Variants in FBN2 observed in about 807,000 individuals in gnomAD.
FBN2 encodes the protein fibrillin 2.
In FBN2, 105 loss-of-function variants were observed where a neutral mutation model predicts 355.6. That is an observed-to-expected ratio of 0.30 (90% CI 0.25 to 0.35). The LOEUF (loss-of-function observed/expected upper bound fraction) is 0.35, where lower values mean the gene tolerates loss of function less well. FBN2 is among the 10% of genes least tolerant of loss of function. The pLI, the probability that FBN2 is intolerant of heterozygous loss-of-function variation, is 1.00. For synonymous variants in FBN2, 1,350 were observed against 1,301.2 expected (o/e 1.04, Z -0.81); for missense variants, 3,280 against 3,758.7 (o/e 0.87, Z 3.33).
intron 3 of FBN2, among the ~76,000 whole-genome samples, chr5:128,528,563 GAGA>G: frequency 6.6e-6 from 1 of 152,272 alleles, no homozygotes; most frequent in African/African-American, 2.4e-5. Context: ...ACTTCAGAGA[GAGA>G]AGAACCAGCA....
chr5:128,361,287 G>A (rs1225144018), intron 19 of FBN2, among the ~76,000 whole-genome samples: 1 of 152,072 alleles, frequency 6.6e-6, no homozygotes, highest in African/African-American at 2.4e-5. Flanking sequence ...ATATTTTGTG[G>A]GCTGACTTCT....
intron 3 of FBN2, 39 bp downstream of exon 3, chr5:128,530,556 A>C (rs987833567): frequency 7.2e-7 from 1 of 1,382,464 alleles, no homozygotes; most frequent in Non-Finnish European, 1.0e-6. Context: ...CCAAAGCTTA[A>C]GAAAAATGCA....
intron 20 of FBN2, among the ~76,000 whole-genome samples, chr5:128,355,838 T>C (rs931422531): frequency 2.0e-5 from 3 of 152,144 alleles, no homozygotes; most frequent in African/African-American, 4.8e-5. Flanking sequence ...GAGAAAAATA[T>C]GGTGGTGGTT....
At chr5:128,305,261 C>T (rs1749836783) in intron 44 of FBN2, among the ~76,000 whole-genome samples, 179 bp from the exon 45 acceptor site, 1 of 151,886 alleles carries the variant, frequency 6.6e-6, no homozygotes, top group Non-Finnish European at 1.5e-5. Context: ...TTTTTTTAAT[C>T]ATGCAAATTT....
chr5:128,361,637 A>G, intron 19 of FBN2, 86 bp downstream of exon 19: 2 of 1,463,328 alleles, frequency 1.4e-6, no homozygotes. Flanking sequence ...TATTCTTTTC[A>G]CTACATTGCT....
intron 9 of FBN2, among the ~76,000 whole-genome samples, chr5:128,393,631 G>A (rs1429241265): frequency 6.6e-6 from 1 of 152,126 alleles, no homozygotes; most frequent in Admixed American, 6.5e-5. Flanking sequence ...TTTATTTTAT[G>A]CACCTAAGTG....
intron 62 of FBN2, among the ~76,000 whole-genome samples, chr5:128,266,421 G>A (rs879348526): frequency 2.0e-5 from 3 of 152,070 alleles, no homozygotes; most frequent in Non-Finnish European, 2.9e-5. Context: ...AAGGCAAACC[G>A]GCTTCTGGCT....
Position 128,519,987 on chromosome 5 carries a change from G to A in FBN2, c.533-619C>T, listed in dbSNP as rs1004862239. Among the ~76,000 whole-genome samples, 7 of 152,208 alleles carry A rather than the reference G, an allele frequency of 4.6e-5. No homozygotes were observed. In the Middle Eastern group the frequency reaches 0.01, roughly 222 times the overall value. ...TGCCAAAAGAAGTAACCAATGTGTA[G>A]AGACTATTTGCAGGTCATAGAAGAA... On this transcript the variant is annotated intron_variant, in intron 4 of 64. Coordinates refer to ENST00000262464, the MANE Select transcript of FBN2 (RefSeq NM_001999.4).
chr5:128,299,237 G>T (rs1431503632), intron 48 of FBN2, among the ~76,000 whole-genome samples: 1 of 151,760 alleles, frequency 6.6e-6, no homozygotes, highest in Non-Finnish European at 1.5e-5. Context: ...TCTCTTCAAA[G>T]CTGTCAGACA....
chr5:128,436,143 T>G (rs1362178525), intron 7 of FBN2, among the ~76,000 whole-genome samples: 1 of 152,188 alleles, frequency 6.6e-6, no homozygotes, highest in Non-Finnish European at 1.5e-5. Flanking sequence ...GGGAAGAAAC[T>G]CAAATAGTTT....
At chr5:128,428,323 A>G (rs1753534560) in intron 7 of FBN2, among the ~76,000 whole-genome samples, 1 of 152,152 alleles carries the variant, frequency 6.6e-6, no homozygotes, top group Non-Finnish European at 1.5e-5. Flanking sequence ...TGAGAATTCA[A>G]ACTAAAGTCC....
At chr5:128,399,759 T>C (rs1031033469) in intron 8 of FBN2, among the ~76,000 whole-genome samples, 1 of 152,060 alleles carries the variant, frequency 6.6e-6, no homozygotes, top group Non-Finnish European at 1.5e-5. Flanking sequence ...TAATTTTAAA[T>C]ATGCATCTTA....
chr5:128,464,985 C>T (rs1025655025), intron 5 of FBN2, 64 bp from the exon 6 acceptor site: 13 of 1,436,468 alleles, frequency 9.0e-6, no homozygotes, highest in Admixed American at 1.7e-5. Flanking sequence ...ATACCAGTGC[C>T]TCCAAATGCA....
At position 128,334,772 on chromosome 5, in the gene FBN2, A is replaced by T. The variant is rs1750791154; in HGVS notation, c.4046T>A (p.Ile1349Asn). 2 of 1,613,994 alleles carry T rather than the reference A, an allele frequency of 1.2e-6. No homozygotes were observed. The highest frequency in any genetic ancestry group is 1.7e-6 in the Non-Finnish European group (2 of 1,179,808). Residue 1349 changes from isoleucine to asparagine, a missense_variant, in exon 31 of 65, where the codon ATT becomes AAT. This residue lies in a region of FBN2 where 2,284 missense variants were observed against 2,749.5 expected (regional missense o/e 0.83). Coordinates refer to ENST00000262464, the MANE Select transcript of FBN2 (RefSeq NM_001999.4). ...GECENTKGSFICHCQLGYSVK... is the reference protein window; with the variant it reads ...GECENTKGSFNCHCQLGYSVK... ...TGAGTAACCCAGCTGACAGTGGCAA[A>T]TGAAGGATCCCTTTGTGTTCTCACA...
rs1764983851 is a variant in FBN2 at position 128,261,839 on chromosome 5, T to C, written c.8261A>G (p.Glu2754Gly). 6.2e-7 allele frequency: 1 copy of C among 1,614,066 alleles called. No individual in the cohort carries two copies. The highest frequency in any genetic ancestry group is 8.5e-7 in the Non-Finnish European group (1 of 1,179,990). Residue 2754 changes from glutamate (E) to glycine (G), a missense_variant, in exon 64 of 65, where the codon GAA becomes GGA. By Grantham distance (98) the Glu-to-Gly change is moderately conservative. Around this residue, in one of 6 missense-constraint regions of FBN2, gnomAD observed 311 missense variants for 319.1 expected, o/e 0.97. Transcript: ENST00000262464. ...GCATGCTTCTGGGGACAGAGCATTT[T>C]CCTCATCGACCTCTGTATCCAGTGA... ...YLSLDTEVDE[E>G]NALSPEACYE...
chr5:128,317,275 G>A (rs1581211561), intron 36 of FBN2, among the ~76,000 whole-genome samples: 1 of 152,306 alleles, frequency 6.6e-6, no homozygotes, highest in East Asian at 1.9e-4. Context: ...CAAAAGCAGA[G>A]AATGTGCTTG....
At chr5:128,363,763 T>C (rs1193254512) in intron 18 of FBN2, among the ~76,000 whole-genome samples, 1 of 152,218 alleles carries the variant, frequency 6.6e-6, no homozygotes, top group African/African-American at 2.4e-5. Flanking sequence ...CAATAATCTT[T>C]GCCTGGTACT....
intron 34 of FBN2, among the ~76,000 whole-genome samples, chr5:128,325,203 G>C (rs1401507595): frequency 6.6e-6 from 1 of 151,872 alleles, no homozygotes; most frequent in Non-Finnish European, 1.5e-5. Flanking sequence ...ATTGACAGTG[G>C]GGTGTTAAAG....
At chr5:128,448,535 G>C (rs1009606775) in intron 6 of FBN2, among the ~76,000 whole-genome samples, 19 of 152,120 alleles carry the variant, frequency 1.2e-4, no homozygotes, top group African/African-American at 3.9e-4. Context: ...TTGATCTCCT[G>C]ACCTCAGATG....
Sources: allele counts gnomAD v4.1 joint callset (sites outside exome capture counted in the v4.1 genomes callset), GRCh38; gene constraint gnomAD v4.1.1; regional missense constraint gnomAD v4.1.1; transcripts MANE v1.5; gene names NCBI Gene and HGNC (gene_info 2026-07-23, HGNC 2026-07-21).